Variants in TAS2R1 observed in about 807,000 individuals in gnomAD.
TAS2R1 encodes the protein taste 2 receptor member 1.
For synonymous variants in TAS2R1, 141 were observed against 134.2 expected (o/e 1.05, Z -0.35); for missense variants, 370 against 353.4 (o/e 1.05, Z -0.38).
chr5:9,832,816 CTCAA>C, the TAS2R1 span, among the ~76,000 whole-genome samples: 3 of 152,170 alleles, frequency 2.0e-5, no homozygotes, highest in Admixed American at 6.5e-5. Context: ...TGAGACAGGT[CTCAA>C]TCAATTTAGG....
chr5:9,669,759 ACAGTGT>A (rs905697855), intron 1 of TAS2R1, among the ~76,000 whole-genome samples: 3 of 152,124 alleles, frequency 2.0e-5, no homozygotes, highest in African/African-American at 7.2e-5. Context: ...CACAGCTAAA[ACAGTGT>A]TAAGAGGGAA....
chr5:9,652,452 G>A (rs539567094), intron 2 of TAS2R1, among the ~76,000 whole-genome samples: 5 of 152,198 alleles, frequency 3.3e-5, no homozygotes, highest in Admixed American at 6.5e-5. Context: ...AGTTACTATC[G>A]TCATCCTCTT....
chr5:9,895,197 G>A, the TAS2R1 span, among the ~76,000 whole-genome samples: 1 of 152,212 alleles, frequency 6.6e-6, no homozygotes, highest in South Asian at 2.1e-4. Flanking sequence ...AAGGCAGTAT[G>A]GCTTCTGCAG....
the TAS2R1 span, among the ~76,000 whole-genome samples, chr5:9,851,801 G>C: frequency 2.4e-4 from 37 of 152,314 alleles, no homozygotes; most frequent in Middle Eastern, 3.4e-3. Context: ...GTGACATGTG[G>C]AAGCTAAGAG....
chr5:9,855,464 G>A, the TAS2R1 span, among the ~76,000 whole-genome samples: 1 of 152,356 alleles, frequency 6.6e-6, no homozygotes, highest in African/African-American at 2.4e-5. Flanking sequence ...AGTCATGCAG[G>A]CAGAAATGGA....
At chr5:9,750,889 T>C in the TAS2R1 span, among the ~76,000 whole-genome samples, 3 of 152,006 alleles carry the variant, frequency 2.0e-5, no homozygotes, top group Non-Finnish European at 2.9e-5. Flanking sequence ...ACAAATGCCA[T>C]AGAGTAGCTC....
chr5:9,725,330 G>C, the TAS2R1 span, among the ~76,000 whole-genome samples: 1,047 of 152,338 alleles, frequency 6.9e-3, 16 homozygotes, highest in African/African-American at 0.024. Context: ...AGCGGGAACC[G>C]GGGCTGCGCG....
the TAS2R1 span, among the ~76,000 whole-genome samples, chr5:9,753,138 T>C: frequency 6.6e-6 from 1 of 152,238 alleles, no homozygotes; most frequent in Non-Finnish European, 1.5e-5. Context: ...ACTTCCACAA[T>C]GGTTGAACTA....
chr5:9,862,372 T>G, the TAS2R1 span, among the ~76,000 whole-genome samples: 1 of 152,174 alleles, frequency 6.6e-6, no homozygotes, highest in East Asian at 1.9e-4. Context: ...GTACCTTTAG[T>G]TTGTGGGCAA....
the TAS2R1 span, among the ~76,000 whole-genome samples, chr5:9,897,524 T>C: frequency 6.6e-6 from 1 of 152,198 alleles, no homozygotes; most frequent in Non-Finnish European, 1.5e-5. Context: ...AATCCACTAC[T>C]GTGTGTGTAA....
At chr5:9,679,286 T>C (rs1319381123) in intron 1 of TAS2R1, among the ~76,000 whole-genome samples, 1 of 152,206 alleles carries the variant, frequency 6.6e-6, no homozygotes, top group African/African-American at 2.4e-5. Context: ...GGCAAATACA[T>C]GACATTACGC....
At chr5:9,767,229 T>C in the TAS2R1 span, among the ~76,000 whole-genome samples, 1 of 151,926 alleles carries the variant, frequency 6.6e-6, no homozygotes, top group African/African-American at 2.4e-5. Flanking sequence ...CCACGCATCA[T>C]CCAGGCCCCA....
chr5:9,686,061 C>T (rs181029375), intron 1 of TAS2R1, among the ~76,000 whole-genome samples: 131 of 152,110 alleles, frequency 8.6e-4, no homozygotes, highest in Non-Finnish European at 1.4e-3. Context: ...GACAGGGTTT[C>T]GCCATGTTGA....
the TAS2R1 span, among the ~76,000 whole-genome samples, chr5:9,756,150 C>T: frequency 3.9e-5 from 6 of 152,264 alleles, no homozygotes; most frequent in Admixed American, 6.5e-5. Context: ...AGAGTCTACA[C>T]GAGGGAGCAT....
chr5:9,840,455 A>G, the TAS2R1 span, among the ~76,000 whole-genome samples: 4 of 152,144 alleles, frequency 2.6e-5, no homozygotes, highest in African/African-American at 9.7e-5. Context: ...GGTGGTGACT[A>G]TAAAGATTAG....
At chr5:9,840,378 G>T in the TAS2R1 span, among the ~76,000 whole-genome samples, 2 of 152,222 alleles carry the variant, frequency 1.3e-5, no homozygotes, top group East Asian at 3.9e-4. Context: ...TATTCATCTT[G>T]TTTTTTATCC....
At chr5:9,710,536 C>G (rs1242280052) in intron 1 of TAS2R1, among the ~76,000 whole-genome samples, 1 of 152,066 alleles carries the variant, frequency 6.6e-6, no homozygotes, top group East Asian at 1.9e-4. Flanking sequence ...AAATAAAAAG[C>G]TAGAAAAGGT....
At chr5:9,834,531 T>C in the TAS2R1 span, among the ~76,000 whole-genome samples, 1 of 152,178 alleles carries the variant, frequency 6.6e-6, no homozygotes, top group Non-Finnish European at 1.5e-5. Context: ...TGTTCACACC[T>C]ATGGAGAAAA....
the TAS2R1 span, among the ~76,000 whole-genome samples, chr5:9,777,241 C>A: frequency 3.3e-5 from 5 of 152,326 alleles, no homozygotes; most frequent in South Asian, 2.1e-4. Context: ...ACCCAGAGAA[C>A]CTCTTTCAAA....
Sources: allele counts gnomAD v4.1 joint callset (sites outside exome capture counted in the v4.1 genomes callset), GRCh38; gene constraint gnomAD v4.1.1; transcripts MANE v1.5; gene names NCBI Gene and HGNC (gene_info 2026-07-23, HGNC 2026-07-21).